Variants in CNTNAP2 observed in about 807,000 individuals in gnomAD.
The protein encoded by CNTNAP2 is contactin-associated protein-like 2.
Under a neutral mutation model 155.2 loss-of-function variants are expected in CNTNAP2, and 98 were observed. The ratio of observed to expected loss-of-function variants is 0.63; its 90% confidence interval spans 0.54 to 0.75. The LOEUF is 0.75. Ranked by LOEUF, CNTNAP2 falls within the 30% of genes least tolerant of loss-of-function variation. CNTNAP2 has a pLI of 0.00. For missense variants in CNTNAP2, 1,727 were observed against 1,688.1 expected, an observed-to-expected ratio of 1.02 and a Z score of -0.40; for synonymous variants, 651 against 631.2, an observed-to-expected ratio of 1.03 and a Z score of -0.47.
At chr7:148,402,119 C>T (rs1312470900) in intron 22 of CNTNAP2, among the ~76,000 whole-genome samples, 1 of 152,182 alleles carries the variant, frequency 6.6e-6, no homozygotes, top group Non-Finnish European at 1.5e-5. Context: ...AACATATAGC[C>T]GATGACGACA....
intron 1 of CNTNAP2, among the ~76,000 whole-genome samples, chr7:146,523,277 G>C (rs1291366715): frequency 6.6e-6 from 1 of 151,858 alleles, no homozygotes; most frequent in Non-Finnish European, 1.5e-5. Flanking sequence ...TAAAATTTCG[G>C]TCCAATTCTC....
chr7:146,642,201 A>C (rs1382125495), intron 1 of CNTNAP2, among the ~76,000 whole-genome samples: 1 of 151,312 alleles, frequency 6.6e-6, no homozygotes, highest in Non-Finnish European at 1.5e-5. Flanking sequence ...GTACATGTGC[A>C]CAATGTGCAG....
chr7:147,920,025 G>C (rs1439912683), intron 14 of CNTNAP2, among the ~76,000 whole-genome samples: 1 of 151,996 alleles, frequency 6.6e-6, no homozygotes, highest in African/African-American at 2.4e-5. Context: ...TTGGTATAGA[G>C]TGAAAGTTCA....
chr7:146,310,406 A>G (rs1800798804), intron 1 of CNTNAP2, among the ~76,000 whole-genome samples: 1 of 152,172 alleles, frequency 6.6e-6, no homozygotes, highest in Non-Finnish European at 1.5e-5. Context: ...AGTTGTTTTT[A>G]AAAGCCAAGG....
At chr7:146,507,156 C>A (rs2129134460) in intron 1 of CNTNAP2, among the ~76,000 whole-genome samples, 1 of 152,284 alleles carries the variant, frequency 6.6e-6, no homozygotes, top group African/African-American at 2.4e-5. Flanking sequence ...GTAAGTTGTC[C>A]ACACAATGAC....
chr7:147,332,585 C>T (rs797012492), intron 9 of CNTNAP2, among the ~76,000 whole-genome samples: 2 of 152,006 alleles, frequency 1.3e-5, no homozygotes, highest in Non-Finnish European at 2.9e-5. Flanking sequence ...ATTATCAGGT[C>T]GAGCATGGTG....
At chr7:147,761,476 T>G (rs1797297247) in intron 13 of CNTNAP2, among the ~76,000 whole-genome samples, 1 of 152,208 alleles carries the variant, frequency 6.6e-6, no homozygotes, top group Non-Finnish European at 1.5e-5. Context: ...TGCCTGTTTC[T>G]GTATATTCCT....
chr7:147,136,238 C>T (rs964747372), intron 8 of CNTNAP2, among the ~76,000 whole-genome samples: 1 of 151,876 alleles, frequency 6.6e-6, no homozygotes, highest in African/African-American at 2.4e-5. Flanking sequence ...TAACTTCTCT[C>T]CATGTATAAA....
At chr7:146,324,516 C>T (rs767469326) in intron 1 of CNTNAP2, among the ~76,000 whole-genome samples, 9 of 152,066 alleles carry the variant, frequency 5.9e-5, no homozygotes, top group African/African-American at 9.7e-5. Context: ...TTTCTCTAGA[C>T]GTAGTAGAAA....
intron 2 of CNTNAP2, among the ~76,000 whole-genome samples, chr7:146,797,453 C>T (rs1802791321): frequency 6.6e-6 from 1 of 152,180 alleles, no homozygotes; most frequent in African/African-American, 2.4e-5. Flanking sequence ...AGATTTTAAA[C>T]ATGGAAATAG....
At chr7:147,572,313 A>G (rs2190002) in intron 12 of CNTNAP2, among the ~76,000 whole-genome samples, 99,063 of 151,652 alleles carry the variant, frequency 0.65, 32,440 homozygotes, top group Admixed American at 0.71. Flanking sequence ...AAAAAAAAAA[A>G]AGAGAGGAAA....
intron 8 of CNTNAP2, among the ~76,000 whole-genome samples, chr7:147,260,669 C>A (rs995348592): frequency 8.5e-5 from 13 of 152,086 alleles, no homozygotes; most frequent in Admixed American, 4.6e-4. Flanking sequence ...TGTGAGAAGA[C>A]CTTGTAGTTC....
At chr7:147,775,373 A>T (rs867697880) in intron 13 of CNTNAP2, among the ~76,000 whole-genome samples, 5 of 63,146 alleles carry the variant, frequency 7.9e-5, no homozygotes, top group Non-Finnish European at 1.4e-4. Context: ...AAATATATAT[A>T]TATTTATATA....
At chr7:147,281,774 G>T (rs1455191106) in intron 8 of CNTNAP2, among the ~76,000 whole-genome samples, 1 of 151,796 alleles carries the variant, frequency 6.6e-6, no homozygotes, top group African/African-American at 2.4e-5. Flanking sequence ...TAAAATTGAT[G>T]AATTTGGTGA....
At chr7:146,677,588 C>T (rs533449066) in intron 1 of CNTNAP2, among the ~76,000 whole-genome samples, 1 of 152,106 alleles carries the variant, frequency 6.6e-6, no homozygotes, top group South Asian at 2.1e-4. Context: ...GCCCACAGTG[C>T]CCTCCCTCTC....
At chr7:147,892,432 G>C (rs1310438428) in intron 13 of CNTNAP2, among the ~76,000 whole-genome samples, 1 of 152,172 alleles carries the variant, frequency 6.6e-6, no homozygotes, top group African/African-American at 2.4e-5. Context: ...AATCACACTT[G>C]TTTCTGGAGA....
chr7:147,001,736 A>C (rs1798427297), intron 3 of CNTNAP2, among the ~76,000 whole-genome samples: 1 of 151,950 alleles, frequency 6.6e-6, no homozygotes, highest in African/African-American at 2.4e-5. Flanking sequence ...TCTGAAGTCC[A>C]GGTTCCCCTG....
chr7:146,549,119 C>A (rs1306679108), intron 1 of CNTNAP2, among the ~76,000 whole-genome samples: 2 of 149,856 alleles, frequency 1.3e-5, no homozygotes, highest in South Asian at 2.1e-4. Flanking sequence ...AAGAGACTAT[C>A]TTTACCCAAT....
intron 3 of CNTNAP2, among the ~76,000 whole-genome samples, chr7:146,907,031 C>G (rs1796147408): frequency 6.6e-6 from 1 of 150,404 alleles, no homozygotes; most frequent in Admixed American, 6.6e-5. Flanking sequence ...CCGATGCGAT[C>G]AACCGGAAGA....
Sources: allele counts gnomAD v4.1 joint callset (sites outside exome capture counted in the v4.1 genomes callset), GRCh38; gene constraint gnomAD v4.1.1; transcripts MANE v1.5; gene names NCBI Gene and HGNC (gene_info 2026-07-23, HGNC 2026-07-21).